NKAIN2: variants seen among roughly 807,000 people sequenced by gnomAD.
NKAIN2 encodes sodium/potassium-transporting ATPase subunit beta-1-interacting protein 2.
NKAIN2 carries 14 observed loss-of-function variants against 32.6 expected under a neutral mutation model. The ratio of observed to expected loss-of-function variants is 0.43; its 90% CI spans 0.28 to 0.67. NKAIN2 has a LOEUF of 0.67. NKAIN2 is among the 30% of genes least tolerant of loss of function. NKAIN2 has a pLI of 0.17. For synonymous variants in NKAIN2, 80 were observed against 87.2 expected, an observed-to-expected ratio of 0.92 and a Z score of 0.46; for missense variants, 198 against 258.3, an observed-to-expected ratio of 0.77 and a Z score of 1.60.
At chr6:124,447,667 A>C (rs1775950880) in intron 3 of NKAIN2, among the ~76,000 whole-genome samples, 1 of 152,168 alleles carries the variant, frequency 6.6e-6, no homozygotes, top group Admixed American at 6.6e-5. Flanking sequence ...AATTGACTTC[A>C]GCTATTTCAA....
chr6:124,124,797 G>A (rs1786079052), intron 1 of NKAIN2, among the ~76,000 whole-genome samples: 1 of 152,134 alleles, frequency 6.6e-6, no homozygotes, highest in Non-Finnish European at 1.5e-5. Context: ...GTATTACAGA[G>A]GTAGAGGTTG....
intron 3 of NKAIN2, among the ~76,000 whole-genome samples, chr6:124,657,118 T>A (rs570368223): frequency 6.6e-6 from 1 of 152,324 alleles, no homozygotes; most frequent in South Asian, 2.1e-4. Flanking sequence ...TTTCCATATG[T>A]TCAATGTGAG....
At chr6:124,344,571 A>G (rs372456233) in intron 2 of NKAIN2, among the ~76,000 whole-genome samples, 3,034 of 151,100 alleles carry the variant, frequency 0.02, 103 homozygotes, top group African/African-American at 0.069. Context: ...TGGATTCCTA[A>G]GTATTTTATT....
chr6:124,538,690 A>C (rs1237432584), intron 3 of NKAIN2, among the ~76,000 whole-genome samples: 1 of 152,078 alleles, frequency 6.6e-6, no homozygotes, highest in Non-Finnish European at 1.5e-5. Context: ...CCTCAAACTA[A>C]TAATTGTGTC....
chr6:123,819,330 G>A (rs1194742491), intron 1 of NKAIN2, among the ~76,000 whole-genome samples: 1 of 152,070 alleles, frequency 6.6e-6, no homozygotes, highest in African/African-American at 2.4e-5. Flanking sequence ...AGGTGGGCCC[G>A]ATTGCAATTA....
chr6:124,599,527 G>C (rs968626267), intron 3 of NKAIN2, among the ~76,000 whole-genome samples: 1 of 152,088 alleles, frequency 6.6e-6, no homozygotes, highest in East Asian at 1.9e-4. Flanking sequence ...TTTAATCTGC[G>C]TGTGAGGGCA....
At chr6:124,020,731 G>T (rs1780825295) in intron 1 of NKAIN2, among the ~76,000 whole-genome samples, 1 of 152,046 alleles carries the variant, frequency 6.6e-6, no homozygotes, top group African/African-American at 2.4e-5. Flanking sequence ...TACTTGATAT[G>T]AAGAAACTGA....
At chr6:124,446,659 A>G (rs941395766) in intron 3 of NKAIN2, among the ~76,000 whole-genome samples, 6 of 152,136 alleles carry the variant, frequency 3.9e-5, no homozygotes, top group African/African-American at 1.4e-4. Context: ...TACAAGTTAT[A>G]TAAAATTATA....
At chr6:124,775,730 A>G (rs1437186959) in intron 4 of NKAIN2, among the ~76,000 whole-genome samples, 3 of 152,158 alleles carry the variant, frequency 2.0e-5, no homozygotes, top group African/African-American at 7.2e-5. Context: ...CAGTGACCCT[A>G]CTATCTTAGC....
intron 1 of NKAIN2, among the ~76,000 whole-genome samples, chr6:124,200,420 T>C (rs1449209333): frequency 6.6e-6 from 1 of 152,134 alleles, no homozygotes; most frequent in Non-Finnish European, 1.5e-5. Context: ...TTTTGTTCGC[T>C]GTGAGTCCTT....
At chr6:124,726,177 C>T (rs1341459443) in intron 4 of NKAIN2, among the ~76,000 whole-genome samples, 1 of 152,190 alleles carries the variant, frequency 6.6e-6, no homozygotes, top group African/African-American at 2.4e-5. Flanking sequence ...ACAAAGCAGC[C>T]AGAAAGCTCC....
At chr6:124,122,271 A>T (rs981977058) in intron 1 of NKAIN2, among the ~76,000 whole-genome samples, 7 of 152,008 alleles carry the variant, frequency 4.6e-5, no homozygotes, top group African/African-American at 1.4e-4. Flanking sequence ...GTATATATAT[A>T]TTTTTAATTA....
intron 1 of NKAIN2, among the ~76,000 whole-genome samples, chr6:123,837,841 A>C (rs79802586): frequency 0.015 from 2,264 of 152,218 alleles, 56 homozygotes; most frequent in African/African-American, 0.052. Flanking sequence ...GTGGAAAGTG[A>C]TGTGAAAATT....
chr6:124,302,003 G>C (rs6942322), intron 2 of NKAIN2, among the ~76,000 whole-genome samples: 1 of 152,096 alleles, frequency 6.6e-6, no homozygotes, highest in African/African-American at 2.4e-5. Context: ...GCTGTGTCCC[G>C]ACCCAAATCT....
intron 1 of NKAIN2, among the ~76,000 whole-genome samples, chr6:123,960,404 C>G (rs1777791658): frequency 6.6e-6 from 1 of 152,160 alleles, no homozygotes; most frequent in Non-Finnish European, 1.5e-5. Flanking sequence ...AGGATGTACT[C>G]AGTGTCTACA....
intron 1 of NKAIN2, among the ~76,000 whole-genome samples, chr6:123,844,531 C>A (rs74646257): frequency 0.026 from 3,992 of 152,252 alleles, 105 homozygotes; most frequent in African/African-American, 0.073. Context: ...AGTAGCTAAC[C>A]TATACACATG....
intron 1 of NKAIN2, among the ~76,000 whole-genome samples, chr6:123,874,745 T>C (rs1451068374): frequency 6.6e-6 from 1 of 152,108 alleles, no homozygotes; most frequent in African/African-American, 2.4e-5. Flanking sequence ...TTCTTCTGAT[T>C]ATAAAAATAT....
intron 3 of NKAIN2, among the ~76,000 whole-genome samples, chr6:124,362,348 A>G (rs1799325968): frequency 6.6e-6 from 1 of 152,170 alleles, no homozygotes; most frequent in South Asian, 2.1e-4. Context: ...TCTTTCCCAA[A>G]TCTAGAAATG....
intron 4 of NKAIN2, among the ~76,000 whole-genome samples, chr6:124,771,676 T>C (rs893098213): frequency 6.6e-6 from 1 of 152,224 alleles, no homozygotes; most frequent in Non-Finnish European, 1.5e-5. Context: ...TATGAGTTAT[T>C]TCTCTTTTTC....
Sources: gnomAD v4.1 joint callset for allele counts (sites outside exome capture counted in the v4.1 genomes callset) on GRCh38, gnomAD v4.1.1 for gene constraint, MANE v1.5 for transcripts, NCBI Gene and HGNC (gene_info 2026-07-23, HGNC 2026-07-21) for gene names.